The following ATPAF2 variants were observed in gnomAD, a reference collection of about 807,000 sequenced individuals.
ATPAF2 encodes ATP synthase mitochondrial F1 complex assembly factor 2, also known as ATP12 homolog.
In ATPAF2, 30 loss-of-function variants were observed where a neutral mutation model predicts 36.6. The ratio of observed to expected loss-of-function variants is 0.82; its 90% CI spans 0.61 to 1.11. The LOEUF (loss-of-function observed/expected upper bound fraction) is 1.11. Ranked by LOEUF, ATPAF2 falls within the 50% of genes most tolerant of loss-of-function variation. The pLI is 0.00. For synonymous variants in ATPAF2, 140 were observed against 152.6 expected (o/e 0.92, Z 0.61); for missense variants, 321 against 372.3 (o/e 0.86, Z 1.13).
At chr17:18,026,551 C>A in intron 3 of ATPAF2, 135 bp from the exon 4 acceptor site, 1 of 754,098 alleles carries the variant, frequency 1.3e-6, no homozygotes, top group Non-Finnish European at 2.4e-6. Context: ...GTCTGCATTA[C>A]CGGAGCAGCA....
At chr17:18,028,087 T>G (rs1489100823) in intron 3 of ATPAF2, 145 bp downstream of exon 3, 6 of 932,776 alleles carry the variant, frequency 6.4e-6, no homozygotes, top group Non-Finnish European at 1.1e-5. Flanking sequence ...GTTTAGCACG[T>G]TAGTGACTTG....
chr17:18,015,874 G>T (rs1443409850), downstream of ATPAF2: 1 of 616,766 alleles, frequency 1.6e-6, no homozygotes, highest in Non-Finnish European at 2.8e-6. Context: ...GCCCTGTGCA[G>T]TTGGGGAAGC....
intron 3 of ATPAF2, among the ~76,000 whole-genome samples, chr17:18,027,169 CGA>C (rs955765964): frequency 6.6e-6 from 1 of 151,006 alleles, no homozygotes; most frequent in Non-Finnish European, 1.5e-5. Flanking sequence ...TGCAGTGAGC[CGA>C]GATTATGCCA....
chr17:18,030,513 GAAAA>G (rs747636000), intron 1 of ATPAF2, among the ~76,000 whole-genome samples: 1 of 77,566 alleles, frequency 1.3e-5, no homozygotes, highest in Non-Finnish European at 2.6e-5. Flanking sequence ...GTCTCTTGGG[GAAAA>G]AAAAAAAAAA....
At chr17:18,015,621 A>T (rs1176196514), downstream of ATPAF2, 1 of 159,630 alleles carries the variant, frequency 6.3e-6, no homozygotes, top group African/African-American at 2.4e-5. Flanking sequence ...AACACCCATG[A>T]GTTTGTAGGG....
At chr17:18,021,547 G>A (rs1362740771) in intron 6 of ATPAF2, 198 bp downstream of exon 6, 2 of 639,952 alleles carry the variant, frequency 3.1e-6, no homozygotes, top group Admixed American at 2.4e-5. Flanking sequence ...TTCTGCTGGC[G>A]AAGTCGAAGG....
chr17:18,026,250 A>T, intron 4 of ATPAF2, 69 bp downstream of exon 4: 1 of 1,412,436 alleles, frequency 7.1e-7, no homozygotes, highest in East Asian at 2.3e-5. Flanking sequence ...TCTTCCACTG[A>T]TAACCATCTG....
chr17:18,039,107 G>T lies in ATPAF2; in HGVS notation c.-94C>A, dbSNP rs2044752127. On this transcript the variant is annotated 5_prime_UTR_variant, in exon 1 of 8. Coordinates refer to ENST00000474627, the MANE Select transcript of ATPAF2 (RefSeq NM_145691.4). This position sits in a 1 kb window ranked among gnomAD's most constrained non-coding sequence, Gnocchi z 5.3. ...CCAAAGCCGCACGGTCGGGCTGTAC[G>T]GAAACCTCTCAACGCCTCCTCAGAG... 2.6e-6 allele frequency: 4 copies of T among 1,517,796 alleles called. No homozygotes were observed. Among genetic ancestry groups the T allele is most frequent in the Admixed American group, 3.9e-5 (2 of 50,962 alleles). 94.0% of individuals were successfully genotyped at this position (1,517,796 alleles called of 1,614,324 possible).
chr17:18,020,566 A>G (rs2044454833), intron 7 of ATPAF2: 2 of 154,324 alleles, frequency 1.3e-5, no homozygotes, highest in African/African-American at 4.8e-5. Flanking sequence ...TGTGTAAAAC[A>G]GAGATAACCA....
chr17:18,015,879 G>A, downstream of ATPAF2: 1 of 627,850 alleles, frequency 1.6e-6, no homozygotes, highest in Non-Finnish European at 2.7e-6. Context: ...GTGCAGTTGG[G>A]GAAGCGGCTG....
intron 4 of ATPAF2, chr17:18,026,006 T>G: frequency 2.1e-6 from 1 of 465,424 alleles, no homozygotes; most frequent in Non-Finnish European, 4.0e-6. Flanking sequence ...TGGGCAGAAG[T>G]TTAAGGTCAC....
At chr17:18,020,444 C>T (rs1283566970) in intron 7 of ATPAF2, among the ~76,000 whole-genome samples, 1 of 152,192 alleles carries the variant, frequency 6.6e-6, no homozygotes, top group Non-Finnish European at 1.5e-5. Context: ...ACCCGTGAAC[C>T]TCCTTGTGCA....
downstream of ATPAF2, chr17:18,017,908 T>C (rs2044407725): frequency 1.3e-5 from 2 of 156,734 alleles, no homozygotes; most frequent in Admixed American, 6.1e-5. Flanking sequence ...GGTGACCTTG[T>C]CAAGCCTGTC....
intron 1 of ATPAF2, among the ~76,000 whole-genome samples, chr17:18,031,041 C>T (rs181171975): frequency 2.0e-3 from 292 of 145,256 alleles, no homozygotes; most frequent in Non-Finnish European, 3.2e-3. Flanking sequence ...GGCGCGATCT[C>T]GGTTCACTGC....
chr17:18,039,089 C>A lies in ATPAF2; in HGVS notation c.-76G>T. 6.5e-7 allele frequency: 1 copy of A among 1,543,014 alleles called. No homozygotes were observed. The highest frequency in any genetic ancestry group is 1.4e-5 in the African/African-American group (1 of 73,124). ...CACAGAGCGATGGGATCCCCAAAGC[C>A]GCACGGTCGGGCTGTACGGAAACCT... On this transcript the variant is annotated 5_prime_UTR_variant, in exon 1 of 8. Coordinates refer to ENST00000474627, the MANE Select transcript of ATPAF2 (RefSeq NM_145691.4). The surrounding 1 kb of genome is among the most constrained non-coding windows in gnomAD (Gnocchi z 5.3).
Position 18,023,454 on chromosome 17 carries a change from C to A in ATPAF2, c.503+1170G>T, listed in dbSNP as rs1597668233. Reference sequence around the variant, plus strand: ...AGAAAGAAAAAATAAAAAATCCTTGCTGAAATTCCTAATAGTACAAATGGA... The same window carrying A: ...AGAAAGAAAAAATAAAAAATCCTTGATGAAATTCCTAATAGTACAAATGGA... On this transcript the variant is annotated intron_variant, in intron 5 of 7. Coordinates refer to ENST00000474627, the MANE Select transcript of ATPAF2 (RefSeq NM_145691.4). 2.0e-5 allele frequency among the ~76,000 whole-genome samples: 3 copies of A among 152,262 alleles called. No individual in the cohort carries two copies. The East Asian group carries it at 5.8e-4, about 29-fold the overall frequency.
intron 1 of ATPAF2, among the ~76,000 whole-genome samples, chr17:18,034,158 T>C (rs2044673420): frequency 6.6e-6 from 1 of 151,970 alleles, no homozygotes; most frequent in African/African-American, 2.4e-5. Context: ...AATGTTCAAG[T>C]CTGAGAGACC....
rs986445399 is a variant in ATPAF2, at chr17:18,028,499, T to A, written c.178+116A>T. 3.3e-6 allele frequency: 5 copies of A among 1,536,608 alleles called. No individual in the cohort carries two copies. In the Admixed American group the frequency reaches 8.7e-5, roughly 27 times the overall value. On this transcript the variant is annotated intron_variant, in intron 2 of 7. Transcript: ENST00000474627. Reference sequence around the variant, plus strand: ...ACTCTGAGTCCCTTACAGAAATATATCTCACAAAAAGCAGGAAGGATAATC... The same window carrying A: ...ACTCTGAGTCCCTTACAGAAATATAACTCACAAAAAGCAGGAAGGATAATC...
At chr17:18,032,190 A>G (rs1380896451) in intron 1 of ATPAF2, among the ~76,000 whole-genome samples, 1 of 152,228 alleles carries the variant, frequency 6.6e-6, no homozygotes, top group Non-Finnish European at 1.5e-5. Context: ...TACAAGAGTG[A>G]GCACTCTAGC....
Sources: gnomAD v4.1 joint callset for allele counts (sites outside exome capture counted in the v4.1 genomes callset) on GRCh38, gnomAD v4.1.1 for gene constraint, Gnocchi (gnomAD v3.1) non-coding constraint, MANE v1.5 for transcripts, NCBI Gene and HGNC (gene_info 2026-07-23, HGNC 2026-07-21) for gene names.